Variants in ITSN2 observed in about 807,000 individuals in gnomAD.
ITSN2 encodes the protein intersectin 2, also known as intersectin-2.
Under a neutral mutation model 243.7 loss-of-function variants are expected in ITSN2, and 156 were observed. That is an observed-to-expected ratio of 0.64 (90% CI 0.56 to 0.73). ITSN2 has a LOEUF of 0.73. ITSN2 is among the 30% of genes least tolerant of loss of function. The probability of loss-of-function intolerance (pLI) is 0.00; values close to 1 mark genes in which losing one functional copy is unlikely to be tolerated. For synonymous variants in ITSN2, 703 were observed against 699.9 expected, an observed-to-expected ratio of 1.00 and a Z score of -0.07; for missense variants, 1,801 against 1,996.1, an observed-to-expected ratio of 0.90 and a Z score of 1.86.
Position 24,298,798 on chromosome 2 carries a change from A to G in ITSN2, c.1361T>C (p.Leu454Pro). 6.3e-7 allele frequency: 1 copy of G among 1,594,488 alleles called. No homozygotes were observed. Among genetic ancestry groups the G allele is most frequent in the Non-Finnish European group, 8.5e-7 (1 of 1,174,956 alleles). ...CCATTCTAAGCGACGTTGTCGTTCA[A>G]GTTCCTGTTTTGCTGCCTGAAAAAA... is the stretch of plus-strand genomic sequence containing the variant. ...IERREAAKQE[L>P]ERQRRLEWER... Residue 454 changes from leucine to proline, a missense_variant, in exon 13 of 40, where the codon CTT becomes CCT. Physicochemically the swap from Leu to Pro is moderately conservative, Grantham distance 98. Coordinates refer to ENST00000355123, the MANE Select transcript of ITSN2 (RefSeq NM_006277.3).
chr2:24,226,069 A>G (rs747917686), intron 29 of ITSN2, among the ~76,000 whole-genome samples: 2 of 152,022 alleles, frequency 1.3e-5, no homozygotes, highest in Non-Finnish European at 2.9e-5. Flanking sequence ...CTGTGTAGTT[A>G]CGGTGTCAGT....
intron 21 of ITSN2, 133 bp from the exon 22 acceptor site, chr2:24,261,383 A>C: frequency 1.1e-6 from 1 of 895,820 alleles, no homozygotes; most frequent in Non-Finnish European, 1.7e-6. Flanking sequence ...AATTATTAAC[A>C]AACTACTGAC....
intron 25 of ITSN2, 82 bp downstream of exon 25, chr2:24,252,263 G>A: frequency 3.0e-6 from 3 of 996,628 alleles, no homozygotes; most frequent in Non-Finnish European, 4.5e-6. Context: ...TAACAAGAAT[G>A]GGTTGATTTT....
At chr2:24,333,650 T>C (rs1686028433) in intron 1 of ITSN2, among the ~76,000 whole-genome samples, 1 of 152,190 alleles carries the variant, frequency 6.6e-6, no homozygotes, top group African/African-American at 2.4e-5. Flanking sequence ...AGAAAATATA[T>C]TGGGTAAATA....
chr2:24,328,469 T>G (rs956585680), intron 1 of ITSN2, among the ~76,000 whole-genome samples: 2 of 145,790 alleles, frequency 1.4e-5, no homozygotes, highest in Non-Finnish European at 3.0e-5. Flanking sequence ...AATCCATACT[T>G]TTTTTTTTTT....
intron 31 of ITSN2, 39 bp downstream of exon 31, chr2:24,217,868 T>A: frequency 7.0e-7 from 1 of 1,432,274 alleles, no homozygotes; most frequent in Non-Finnish European, 9.8e-7. Flanking sequence ...CTGGGGGCTT[T>A]GGGGTCAGCG....
At chr2:24,330,442 A>T (rs751003597) in intron 1 of ITSN2, 2 of 639,728 alleles carry the variant, frequency 3.1e-6, no homozygotes, top group Non-Finnish European at 5.9e-6. Flanking sequence ...AAAGGAGATA[A>T]AGCCAAGGTG....
At chr2:24,343,239 AT>A (rs1687213951) in intron 1 of ITSN2, among the ~76,000 whole-genome samples, 1 of 152,108 alleles carries the variant, frequency 6.6e-6, no homozygotes, top group Non-Finnish European at 1.5e-5. Flanking sequence ...ACATTAAAAA[AT>A]ATATATATAA....
At chr2:24,235,857 T>TA (rs1303243520) in intron 29 of ITSN2, among the ~76,000 whole-genome samples, 2 of 152,098 alleles carry the variant, frequency 1.3e-5, no homozygotes, top group African/African-American at 4.8e-5. Context: ...AGTCAGATAA[T>TA]AACAAGTGCC....
chr2:24,319,197 T>A (rs1046275407), intron 2 of ITSN2, among the ~76,000 whole-genome samples: 2 of 152,180 alleles, frequency 1.3e-5, no homozygotes, highest in Non-Finnish European at 2.9e-5. Context: ...CCCTCTTACA[T>A]CTAACTCTTC....
At chr2:24,223,391 T>C (rs1670663310) in intron 29 of ITSN2, among the ~76,000 whole-genome samples, 1 of 151,892 alleles carries the variant, frequency 6.6e-6, no homozygotes, top group South Asian at 2.1e-4. Context: ...GTTTGGTGTT[T>C]CTAAAAAGAA....
At chr2:24,234,574 G>GA (rs371741179) in intron 29 of ITSN2, among the ~76,000 whole-genome samples, 5 of 151,696 alleles carry the variant, frequency 3.3e-5, no homozygotes, top group Admixed American at 2.6e-4. Context: ...GGCACAGACT[G>GA]AAAAAAAATT....
At chr2:24,289,262 CATTT>C (rs1396623014) in intron 15 of ITSN2, among the ~76,000 whole-genome samples, 1 of 152,014 alleles carries the variant, frequency 6.6e-6, no homozygotes. Context: ...AGTATCTTTC[CATTT>C]ATTTATGTCT....
intron 22 of ITSN2, among the ~76,000 whole-genome samples, chr2:24,258,466 A>C (rs896461988): frequency 4.6e-5 from 7 of 152,158 alleles, no homozygotes; most frequent in African/African-American, 1.7e-4. Flanking sequence ...TGTTTACTCC[A>C]CTAGGGAAGG....
chr2:24,248,716 A>G lies in ITSN2; in HGVS notation c.3201T>C (p.Ser1067=), dbSNP rs137994569. The change falls in exon 27 of 40, where the codon TCT becomes TCC. Residue 1067 remains serine, a synonymous_variant. Transcript: ENST00000355123. ...GTGCAAGGCTAAGTTGTTCAGAACC[A>G]GAAGCAACATATGCTGAAGTTACCT... ...IAQVTSAYVA[S]GSEQLSLAPG... The G allele has an allele frequency of 3.5e-5, 57 of 1,613,516 alleles. No individual in the cohort carries two copies. The African/African-American group carries it at 6.8e-4, about 19-fold the overall frequency.
At chr2:24,317,124 T>C (rs1336809334) in intron 2 of ITSN2, among the ~76,000 whole-genome samples, 1 of 152,224 alleles carries the variant, frequency 6.6e-6, no homozygotes, top group Admixed American at 6.5e-5. Context: ...CTCACGCCTG[T>C]AATCCCAGCA....
chr2:24,251,142 T>G (rs182147800), intron 25 of ITSN2, among the ~76,000 whole-genome samples: 155 of 149,842 alleles, frequency 1.0e-3, no homozygotes, highest in African/African-American at 3.5e-3. Context: ...CTGACCAACA[T>G]GGTAAAACCC....
rs749786159 is a variant in ITSN2 at position 24,209,851 on chromosome 2, C to T, written c.4440G>A (p.Ser1480=). The T allele has an allele frequency of 3.3e-5, 53 of 1,614,024 alleles. No individual in the cohort carries two copies. Among genetic ancestry groups the T allele is most frequent in the Non-Finnish European group, 4.2e-5 (49 of 1,180,008 alleles). The change falls in exon 35 of 40, where the codon TCG becomes TCA. Residue 1480 remains serine (S), a synonymous_variant. Transcript: ENST00000355123. ...VSSGSEKLFS[S]KSNAQFKMYK... is the part of the protein sequence containing the mutation. ...ACATTTTGAATTGAGCATTGGACTT[C>T]GAGCTGAAAAGTTTCTCAGAGCCAG...
chr2:24,275,759 TTTTCC>T lies in ITSN2; in HGVS notation c.2030_2034del (p.Arg677LysfsTer13). 1 of 1,612,236 alleles carries T rather than the reference TTTTCC, an allele frequency of 6.2e-7. No homozygotes were observed. Among genetic ancestry groups the T allele is most frequent in the Non-Finnish European group, 8.5e-7 (1 of 1,178,514 alleles). ...TTCTTTTTCTGCATTAGTTCTAATC[TTTTCC>T]TTTCAATTTCCTTCAACTTGTCACG... On this transcript the variant is annotated frameshift_variant, in exon 18 of 40. Coordinates refer to ENST00000355123, the MANE Select transcript of ITSN2 (RefSeq NM_006277.3). LOFTEE classifies it high-confidence loss of function.
Sources: allele counts gnomAD v4.1 joint callset (sites outside exome capture counted in the v4.1 genomes callset), GRCh38; gene constraint gnomAD v4.1.1; transcripts MANE v1.5; gene names NCBI Gene and HGNC (gene_info 2026-07-23, HGNC 2026-07-21).